DOCK5: variants seen among roughly 807,000 people sequenced by gnomAD.
DOCK5 encodes dedicator of cytokinesis protein 5.
In DOCK5, 142 loss-of-function variants were observed where a neutral mutation model predicts 251.8. The observed-to-expected ratio is 0.56, with a 90% CI of 0.49 to 0.65. The LOEUF (loss-of-function observed/expected upper bound fraction) is 0.65. Ranked by LOEUF, DOCK5 falls within the 30% of genes least tolerant of loss-of-function variation. The pLI, the probability that DOCK5 is intolerant of heterozygous loss-of-function variation, is 0.00. For synonymous variants in DOCK5, 842 were observed against 835.5 expected, an observed-to-expected ratio of 1.01 and a Z score of -0.13; for missense variants, 2,111 against 2,312.3, an observed-to-expected ratio of 0.91 and a Z score of 1.79.
At chr8:25,249,791 A>G (rs1437869419) in intron 2 of DOCK5, among the ~76,000 whole-genome samples, 46 of 152,090 alleles carry the variant, frequency 3.0e-4, no homozygotes, top group Non-Finnish European at 1.5e-5. Flanking sequence ...TCGCTATGTT[A>G]CTGAGGTTGG....
At chr8:25,323,672 G>T (rs923204512) in intron 16 of DOCK5, among the ~76,000 whole-genome samples, 176 bp from the exon 17 acceptor site, 2 of 152,056 alleles carry the variant, frequency 1.3e-5, no homozygotes, top group Non-Finnish European at 2.9e-5. Flanking sequence ...GAGCATACTT[G>T]GGGGTGCCAG....
intron 13 of DOCK5, 92 bp from the exon 14 acceptor site, chr8:25,316,915 T>G: frequency 6.7e-7 from 1 of 1,493,366 alleles, no homozygotes; most frequent in Non-Finnish European, 9.1e-7. Context: ...CCAGACCATT[T>G]CGTGTTGTCT....
chr8:25,365,377 T>C (rs1317805606), intron 30 of DOCK5, among the ~76,000 whole-genome samples: 2 of 152,248 alleles, frequency 1.3e-5, no homozygotes, highest in Non-Finnish European at 2.9e-5. Flanking sequence ...TCTGTGGAAC[T>C]GTTATCAGTG....
At chr8:25,403,805 T>C (rs1314013561) in intron 48 of DOCK5, 81 bp downstream of exon 48, 2 of 1,456,300 alleles carry the variant, frequency 1.4e-6, no homozygotes, top group Non-Finnish European at 1.9e-6. Context: ...ATCACTCCTT[T>C]GAGAAAAATA....
chr8:25,291,593 G>A (rs1189949552), intron 5 of DOCK5, among the ~76,000 whole-genome samples: 1 of 150,044 alleles, frequency 6.7e-6, no homozygotes, highest in African/African-American at 2.5e-5. Context: ...TGAGGCAGGA[G>A]AATCACTTCA....
intron 27 of DOCK5, among the ~76,000 whole-genome samples, chr8:25,352,191 C>T (rs573883652): frequency 1.8e-5 from 2 of 110,754 alleles, no homozygotes; most frequent in African/African-American, 7.0e-5. Context: ...CTAGCCTGGA[C>T]AACAGAGCAA....
intron 13 of DOCK5, among the ~76,000 whole-genome samples, chr8:25,312,599 T>C (rs1002641991): frequency 6.6e-6 from 1 of 151,770 alleles, no homozygotes; most frequent in African/African-American, 2.4e-5. Context: ...CCCATCTCTA[T>C]TCAAAATACA....
intron 48 of DOCK5, 64 bp from the exon 49 acceptor site, chr8:25,407,919 A>G: frequency 1.4e-6 from 2 of 1,481,252 alleles, no homozygotes; most frequent in Non-Finnish European, 1.8e-6. Context: ...TGGTACTTTC[A>G]TAGTGAATTT....
intron 40 of DOCK5, among the ~76,000 whole-genome samples, chr8:25,385,420 C>A (rs2117309896): frequency 6.6e-6 from 1 of 152,150 alleles, no homozygotes. Flanking sequence ...GAGGTCACAG[C>A]CATCTGATGA....
intron 30 of DOCK5, 139 bp from the exon 31 acceptor site, chr8:25,366,731 C>A: frequency 1.7e-6 from 1 of 602,382 alleles, no homozygotes; most frequent in South Asian, 2.6e-5. Context: ...ATAATCAAAA[C>A]CTAAGAAGAA....
chr8:25,273,436 C>G (rs1460094353), intron 3 of DOCK5, among the ~76,000 whole-genome samples: 2 of 152,172 alleles, frequency 1.3e-5, no homozygotes, highest in Non-Finnish European at 2.9e-5. Flanking sequence ...AATCCTGTCT[C>G]TACTAAAAAT....
At chr8:25,311,881 C>T (rs1805106532) in intron 13 of DOCK5, among the ~76,000 whole-genome samples, 1 of 151,018 alleles carries the variant, frequency 6.6e-6, no homozygotes, top group African/African-American at 2.4e-5. Context: ...ATGATCGCAC[C>T]ACTGCAACCC....
chr8:25,190,482 G>A (rs534043772), intron 1 of DOCK5, among the ~76,000 whole-genome samples: 2 of 152,258 alleles, frequency 1.3e-5, no homozygotes, highest in African/African-American at 4.8e-5. Context: ...TGTTTTATTG[G>A]TGACAGTATC....
chr8:25,365,497 T>C (rs1020513446), intron 30 of DOCK5, among the ~76,000 whole-genome samples: 16 of 152,240 alleles, frequency 1.1e-4, no homozygotes, highest in South Asian at 6.2e-4. Flanking sequence ...AATGAAAGTA[T>C]ACTCCACAGA....
intron 1 of DOCK5, 64 bp from the exon 2 acceptor site, chr8:25,243,610 T>G: frequency 5.4e-6 from 8 of 1,494,816 alleles, no homozygotes; most frequent in South Asian, 1.2e-5. Flanking sequence ...ATTATAGGCG[T>G]GAGCCACCGT....
intron 26 of DOCK5, among the ~76,000 whole-genome samples, chr8:25,348,781 T>C (rs1586350714): frequency 6.7e-6 from 1 of 150,018 alleles, no homozygotes; most frequent in Non-Finnish European, 1.5e-5. Flanking sequence ...GAGGTTGCAG[T>C]GAGCCAAGAT....
intron 38 of DOCK5, among the ~76,000 whole-genome samples, chr8:25,379,016 C>T (rs1244514673): frequency 6.6e-6 from 1 of 152,118 alleles, no homozygotes; most frequent in Non-Finnish European, 1.5e-5. Context: ...CAACAGGGAG[C>T]AGGTCACATA....
At chr8:25,203,232 A>C (rs1176149860) in intron 1 of DOCK5, among the ~76,000 whole-genome samples, 2 of 152,214 alleles carry the variant, frequency 1.3e-5, no homozygotes, top group Non-Finnish European at 1.5e-5. Context: ...AAGAAGGCTG[A>C]TGTCTTCTTG....
chr8:25,218,903 A>C (rs542131411), intron 1 of DOCK5, among the ~76,000 whole-genome samples: 1 of 152,272 alleles, frequency 6.6e-6, no homozygotes, highest in African/African-American at 2.4e-5. Context: ...ACTTTTTAAA[A>C]ATCCAAGGAG....
Sources: allele counts gnomAD v4.1 joint callset (sites outside exome capture counted in the v4.1 genomes callset), GRCh38; gene constraint gnomAD v4.1.1; transcripts MANE v1.5; gene names NCBI Gene and HGNC (gene_info 2026-07-23, HGNC 2026-07-21).